CADM2: variants seen among roughly 807,000 people sequenced by gnomAD.
CADM2 encodes the protein immunoglobulin superfamily member 4D.
CADM2 carries 12 observed loss-of-function variants against 49.8 expected under a neutral mutation model. The ratio of observed to expected loss-of-function variants is 0.24; its 90% confidence interval spans 0.15 to 0.39. The LOEUF (loss-of-function observed/expected upper bound fraction) is 0.39. Among genes scored for constraint, CADM2 ranks in the 10% least tolerant of loss-of-function variants. CADM2 has a pLI of 1.00. For synonymous variants in CADM2, 214 were observed against 175.4 expected (o/e 1.22, Z -1.74); for missense variants, 378 against 492.3 (o/e 0.77, Z 2.20).
At chr3:85,814,283 T>A (rs182001090) in intron 3 of CADM2, among the ~76,000 whole-genome samples, 1 of 152,278 alleles carries the variant, frequency 6.6e-6, no homozygotes, top group East Asian at 1.9e-4. Context: ...TATTCCTAGT[T>A]ATTTTATTTT....
At chr3:85,249,778 G>T (rs1397128920) in intron 1 of CADM2, among the ~76,000 whole-genome samples, 1 of 151,764 alleles carries the variant, frequency 6.6e-6, no homozygotes, top group African/African-American at 2.4e-5. Flanking sequence ...AATCTCAATT[G>T]TTATTCTCTA....
intron 1 of CADM2, among the ~76,000 whole-genome samples, chr3:84,985,592 GATGTTTGCGTCTTTGATGC>G: frequency 6.6e-6 from 1 of 152,134 alleles, no homozygotes; most frequent in African/African-American, 2.4e-5. Flanking sequence ...TGCATTCATT[GATGTTTGCGTCTTTGATGC>G]TAAATGATTA....
chr3:85,912,512 T>G lies in CADM2; in HGVS notation c.669T>G (p.Pro223=), dbSNP rs1428639071. 6.2e-7 allele frequency: 1 copy of G among 1,613,768 alleles called. No individual in the cohort carries two copies. The highest frequency in any genetic ancestry group is 1.3e-5 in the African/African-American group (1 of 75,000). ...ATCACGAATCCCTCAATGCCACCCC[T>G]CAGGTAGCCATGCAGGTGCTAGAAA... is the stretch of plus-strand genomic sequence containing the variant. ...RVDHESLNAT[P]QVAMQVLEIH... Residue 223 remains proline, a synonymous_variant, in exon 6 of 10, where the codon CCT becomes CCG. Transcript: ENST00000383699.
chr3:85,169,640 C>T (rs1411978380), intron 1 of CADM2, among the ~76,000 whole-genome samples: 1 of 152,000 alleles, frequency 6.6e-6, no homozygotes, highest in African/African-American at 2.4e-5. Context: ...GGTGTGGTGG[C>T]ACACTCCTGT....
intron 1 of CADM2, among the ~76,000 whole-genome samples, chr3:85,250,243 A>C (rs1046851749): frequency 5.3e-5 from 8 of 151,760 alleles, no homozygotes; most frequent in Middle Eastern, 3.4e-3. Context: ...TGTCCTTAAA[A>C]GTCAATAGTA....
intron 1 of CADM2, among the ~76,000 whole-genome samples, chr3:85,369,284 C>T (rs2033021518): frequency 1.3e-5 from 2 of 152,282 alleles, no homozygotes; most frequent in South Asian, 2.1e-4. Flanking sequence ...TCATGCATCA[C>T]ATAACATTTC....
At chr3:85,473,844 A>C (rs1427557726) in intron 1 of CADM2, among the ~76,000 whole-genome samples, 8 of 152,198 alleles carry the variant, frequency 5.3e-5, no homozygotes, top group African/African-American at 1.9e-4. Context: ...TGCCTGTACA[A>C]CTTTTTTGTG....
chr3:85,321,114 A>AAT (rs2044594236), intron 1 of CADM2, among the ~76,000 whole-genome samples: 1 of 34,138 alleles, frequency 2.9e-5, no homozygotes. Context: ...ATATATATAT[A>AAT]TATTTTTTTT....
chr3:85,440,885 G>C (rs1456901801), intron 1 of CADM2, among the ~76,000 whole-genome samples: 2 of 152,090 alleles, frequency 1.3e-5, no homozygotes, highest in Non-Finnish European at 2.9e-5. Context: ...ACGAGGCTGA[G>C]AGAGGAGAAT....
intron 1 of CADM2, among the ~76,000 whole-genome samples, chr3:85,308,759 C>G (rs1412353477): frequency 1.3e-5 from 2 of 151,932 alleles, no homozygotes; most frequent in Non-Finnish European, 2.9e-5. Flanking sequence ...ACATGCACAC[C>G]TCTTAATATG....
chr3:85,802,031 T>C lies in CADM2; in HGVS notation c.89-16T>C. 1.3e-6 allele frequency: 2 copies of C among 1,595,256 alleles called. No homozygotes were observed. The highest frequency in any genetic ancestry group is 1.7e-6 in the Non-Finnish European group (2 of 1,168,800). ...TGACTTTCATTTAATCAACATTTTCTTTAATCCCCTTTTAGGCAGCCAAGG... is the reference window on the plus strand; with the variant it reads ...TGACTTTCATTTAATCAACATTTTCCTTAATCCCCTTTTAGGCAGCCAAGG... On this transcript the variant is annotated splice_polypyrimidine_tract_variant and intron_variant, in intron 2 of 9. Coordinates refer to ENST00000383699, the MANE Select transcript of CADM2 (RefSeq NM_001167675.2).
At chr3:85,018,151 G>A (rs2034333093) in intron 1 of CADM2, among the ~76,000 whole-genome samples, 1 of 152,116 alleles carries the variant, frequency 6.6e-6, no homozygotes, top group South Asian at 2.1e-4. Flanking sequence ...GTATGTACCT[G>A]TGATTATAGA....
chr3:85,547,018 A>G (rs944042196), intron 1 of CADM2, among the ~76,000 whole-genome samples: 1 of 151,932 alleles, frequency 6.6e-6, no homozygotes, highest in Non-Finnish European at 1.5e-5. Context: ...TATTTTTCTT[A>G]TTTTTTTAAT....
chr3:85,541,299 C>T (rs971208709), intron 1 of CADM2, among the ~76,000 whole-genome samples: 8 of 151,530 alleles, frequency 5.3e-5, no homozygotes, highest in Non-Finnish European at 1.0e-4. Context: ...CATGCATACA[C>T]ACACGTCTGT....
intron 7 of CADM2, among the ~76,000 whole-genome samples, chr3:85,944,894 A>G (rs1722454244): frequency 6.6e-6 from 1 of 152,094 alleles, no homozygotes; most frequent in South Asian, 2.1e-4. Flanking sequence ...AAACACATTC[A>G]AAAGCTAGCA....
At chr3:85,822,553 C>T (rs2073651374) in intron 3 of CADM2, among the ~76,000 whole-genome samples, 1 of 152,102 alleles carries the variant, frequency 6.6e-6, no homozygotes, top group Non-Finnish European at 1.5e-5. Flanking sequence ...TACTGCACTC[C>T]AGCCTAGGCG....
chr3:85,122,724 C>A (rs183823213), intron 1 of CADM2, among the ~76,000 whole-genome samples: 1 of 152,130 alleles, frequency 6.6e-6, no homozygotes, highest in Admixed American at 6.5e-5. Context: ...AAACTTTCAC[C>A]TCTTTTCCTC....
chr3:85,400,603 A>G (rs1303215473), intron 1 of CADM2, among the ~76,000 whole-genome samples: 1 of 152,088 alleles, frequency 6.6e-6, no homozygotes, highest in Non-Finnish European at 1.5e-5. Flanking sequence ...TTGGTAGGCT[A>G]TTAATTATTG....
intron 1 of CADM2, among the ~76,000 whole-genome samples, chr3:85,680,954 C>A (rs2066025928): frequency 6.6e-6 from 1 of 151,994 alleles, no homozygotes; most frequent in Non-Finnish European, 1.5e-5. Flanking sequence ...GAAAAAGAAC[C>A]AAATATATGA....
Sources: allele counts gnomAD v4.1 joint callset (sites outside exome capture counted in the v4.1 genomes callset), GRCh38; gene constraint gnomAD v4.1.1; transcripts MANE v1.5; gene names NCBI Gene and HGNC (gene_info 2026-07-23, HGNC 2026-07-21).